The following OLFM2 variants were observed in gnomAD, a reference collection of about 807,000 sequenced individuals.
OLFM2 encodes noelin-2.
Under a neutral mutation model 43.9 loss-of-function variants are expected in OLFM2, and 20 were observed. The ratio of observed to expected loss-of-function variants is 0.46; its 90% CI spans 0.32 to 0.66. The LOEUF (loss-of-function observed/expected upper bound fraction) is 0.66, where lower values mean the gene tolerates loss of function less well. Among genes scored for constraint, OLFM2 ranks in the 30% least tolerant of loss-of-function variants. OLFM2 has a pLI of 0.04. For missense variants in OLFM2, 416 were observed against 643.6 expected, an observed-to-expected ratio of 0.65 and a Z score of 3.83; for synonymous variants, 268 against 278.6, an observed-to-expected ratio of 0.96 and a Z score of 0.38.
At chr19:9,873,729 G>A (rs145449303) in intron 1 of OLFM2, among the ~76,000 whole-genome samples, 1,757 of 149,872 alleles carry the variant, frequency 0.012, 37 homozygotes, top group Admixed American at 0.05. Flanking sequence ...TCCCAGACTC[G>A]AGCAATCCTC....
intron 1 of OLFM2, among the ~76,000 whole-genome samples, chr19:9,923,576 A>AAAAGAAAG (rs1223928278): frequency 6.6e-6 from 1 of 150,700 alleles, no homozygotes; most frequent in Non-Finnish European, 1.5e-5. Context: ...AAAAAGAAAG[A>AAAAGAAAG]AAAGAAAGAA....
rs1189373964 is a variant in OLFM2 at position 9,856,388 on chromosome 19, A to G, written c.687+419T>C. Reference sequence around the variant, plus strand: ...GCTGGGATTACAGGCATGAGCCACCATGCCCAGCCTCATGGATGGTTCTTG... The same window carrying G: ...GCTGGGATTACAGGCATGAGCCACCGTGCCCAGCCTCATGGATGGTTCTTG... On this transcript the variant is annotated intron_variant, in intron 5 of 5. Coordinates refer to ENST00000264833, the MANE Select transcript of OLFM2 (RefSeq NM_058164.4). This position sits in a 1 kb window ranked among gnomAD's most constrained non-coding sequence, Gnocchi z 4.0. 6.6e-6 allele frequency among the ~76,000 whole-genome samples: 1 copy of G among 152,146 alleles called. No homozygotes were observed. The highest frequency in any genetic ancestry group is 1.5e-5 in the Non-Finnish European group (1 of 68,026).
intron 1 of OLFM2, among the ~76,000 whole-genome samples, chr19:9,935,256 T>G (rs2086508462): frequency 6.6e-6 from 1 of 152,182 alleles, no homozygotes; most frequent in African/African-American, 2.4e-5. Flanking sequence ...TCATAATGAC[T>G]ATTTTATTAT....
At chr19:9,873,536 C>G (rs974042013) in intron 1 of OLFM2, among the ~76,000 whole-genome samples, 1 of 152,198 alleles carries the variant, frequency 6.6e-6, no homozygotes, top group Non-Finnish European at 1.5e-5. Flanking sequence ...CTCACTGCAT[C>G]TTCAGCCTCC....
At chr19:9,895,307 C>G (rs2046673721) in intron 1 of OLFM2, among the ~76,000 whole-genome samples, 1 of 151,890 alleles carries the variant, frequency 6.6e-6, no homozygotes, top group African/African-American at 2.4e-5. Context: ...GGGCAACATA[C>G]TAGGACCCTA....
rs1258445064 is a variant in OLFM2 at position 9,936,340 on chromosome 19, C to T, written c.27G>A (p.Pro9=). 2.7e-6 allele frequency: 4 copies of T among 1,506,578 alleles called. No homozygotes were observed. The highest frequency in any genetic ancestry group is 2.5e-5 in the South Asian group (2 of 81,272). The allele number at this position is 1,506,578 out of a possible 1,614,324, so 93.3% of individuals were successfully genotyped here. Residue 9 remains proline (P), a synonymous_variant, in exon 1 of 6, where the codon CCG becomes CCA. Transcript: ENST00000264833. ...GGCCTGAGCACAGCAGCAGCAGCAG[C>T]GGCGGCGGGACCGTGAGCGGCCACA... MWPLTVPP[P]LLLLLCSGLA...
chr19:9,915,888 C>T (rs1253675646), intron 1 of OLFM2, among the ~76,000 whole-genome samples: 1 of 152,134 alleles, frequency 6.6e-6, no homozygotes, highest in Non-Finnish European at 1.5e-5. Flanking sequence ...GAAGAGAGTT[C>T]CACGCAACAG....
chr19:9,902,440 T>C (rs975935714), intron 1 of OLFM2, among the ~76,000 whole-genome samples: 17 of 148,072 alleles, frequency 1.1e-4, no homozygotes, highest in African/African-American at 4.3e-4. Flanking sequence ...TGGAGTGCAA[T>C]GGCGTGATCT....
chr19:9,887,190 T>C (rs997823352), intron 1 of OLFM2, among the ~76,000 whole-genome samples: 7 of 152,188 alleles, frequency 4.6e-5, no homozygotes, highest in African/African-American at 1.2e-4. Flanking sequence ...TCTTTCATTT[T>C]TTTTTTAGAT....
chr19:9,929,765 C>T (rs555927652), intron 1 of OLFM2, among the ~76,000 whole-genome samples: 2 of 151,216 alleles, frequency 1.3e-5, no homozygotes, highest in African/African-American at 4.9e-5. Flanking sequence ...CCAGGCCAGG[C>T]GTGGTGGCTC....
At chr19:9,933,022 C>G (rs570752416) in intron 1 of OLFM2, among the ~76,000 whole-genome samples, 1 of 152,148 alleles carries the variant, frequency 6.6e-6, no homozygotes, top group African/African-American at 2.4e-5. Context: ...CGCGACCTCT[C>G]CAGCCACACC....
chr19:9,901,711 T>C (rs779482948), intron 1 of OLFM2, among the ~76,000 whole-genome samples: 2 of 152,142 alleles, frequency 1.3e-5, no homozygotes, highest in Non-Finnish European at 2.9e-5. Flanking sequence ...CATGTAGGCA[T>C]TGGAGTGCAC....
chr19:9,890,920 C>T (rs1568377358), intron 1 of OLFM2, among the ~76,000 whole-genome samples: 1 of 151,936 alleles, frequency 6.6e-6, no homozygotes, highest in Non-Finnish European at 1.5e-5. Context: ...CACCACTGCA[C>T]TCCAGCCTGG....
intron 1 of OLFM2, among the ~76,000 whole-genome samples, chr19:9,894,407 AATAAT>A (rs1568378522): frequency 3.2e-4 from 29 of 91,116 alleles, no homozygotes; most frequent in African/African-American, 1.1e-3. Context: ...TAATAATAAT[AATAAT>A]AAATAAATAA....
At chr19:9,867,366 G>A (rs901315643) in intron 1 of OLFM2, among the ~76,000 whole-genome samples, 6 of 151,990 alleles carry the variant, frequency 3.9e-5, no homozygotes, top group African/African-American at 1.2e-4. Context: ...GCGAGACCCC[G>A]TCTCAAAAAA....
intron 1 of OLFM2, among the ~76,000 whole-genome samples, chr19:9,925,379 T>C (rs905168659): frequency 1.2e-4 from 19 of 152,136 alleles, no homozygotes; most frequent in African/African-American, 4.6e-4. Flanking sequence ...TTTGTGGGAA[T>C]GTAAAATAGC....
chr19:9,915,559 C>A (rs937294613), intron 1 of OLFM2, among the ~76,000 whole-genome samples: 4 of 151,340 alleles, frequency 2.6e-5, no homozygotes, highest in Middle Eastern at 3.4e-3. Context: ...GCTCTGTCGC[C>A]CAGGCTGGAG....
intron 1 of OLFM2, among the ~76,000 whole-genome samples, chr19:9,932,922 T>G (rs915372455): frequency 1.3e-5 from 2 of 152,146 alleles, no homozygotes; most frequent in African/African-American, 4.8e-5. Flanking sequence ...GGCCCTGCTT[T>G]CCTGTTCTCC....
Position 9,854,665 on chromosome 19 carries a change from G to A in OLFM2, c.886C>T (p.Arg296Cys), listed in dbSNP as rs751696026. The change falls in exon 6 of 6, where the codon CGC (arginine) becomes TGC (cysteine). Residue 296 changes from arginine (R) to cysteine (C), a missense_variant. By Grantham distance (180) the Arg-to-Cys change is radical. Transcript: ENST00000264833. This position sits in a 1 kb window ranked among gnomAD's most constrained non-coding sequence, Gnocchi z 9.5. ...AGGCTCCTCTGCACCAGCACAGAGC[G>A]CGAGCGGAAGTGGTATTTGACCACC... ...NVVVKYHFRS[R>C]SVLVQRSLPG... 8 of 1,614,114 alleles carry A rather than the reference G, an allele frequency of 5.0e-6. No individual in the cohort carries two copies. Among genetic ancestry groups the A allele is most frequent in the Admixed American group, 3.3e-5 (2 of 60,012 alleles).
Sources: gnomAD v4.1 joint callset for allele counts (sites outside exome capture counted in the v4.1 genomes callset) on GRCh38, gnomAD v4.1.1 for gene constraint, Gnocchi (gnomAD v3.1) non-coding constraint, MANE v1.5 for transcripts, NCBI Gene and HGNC (gene_info 2026-07-23, HGNC 2026-07-21) for gene names.